The following WWOX variants were observed in gnomAD, a reference collection of about 807,000 sequenced individuals.
WWOX encodes WW domain containing oxidoreductase.
A neutral mutation model predicts 46.2 loss-of-function variants in WWOX; 69 were observed. That is an observed-to-expected ratio of 1.49 (90% CI 1.23 to 1.82). WWOX has a LOEUF of 1.82. Among genes scored for constraint, WWOX ranks in the 40% most tolerant of loss-of-function variants. The pLI, the probability that WWOX is intolerant of heterozygous loss-of-function variation, is 0.00. For missense variants in WWOX, 919 were observed against 542.6 expected (o/e 1.69, Z -6.89); for synonymous variants, 359 against 202.6 (o/e 1.77, Z -6.56).
intron 8 of WWOX, among the ~76,000 whole-genome samples, chr16:79,159,940 C>A (rs71398136): frequency 0.09 from 13,751 of 152,078 alleles, 797 homozygotes; most frequent in African/African-American, 0.14. Flanking sequence ...TCCCAACCCT[C>A]CCCAGGTGAA....
chr16:78,995,724 T>C (rs73567351), intron 8 of WWOX, among the ~76,000 whole-genome samples: 1 of 152,336 alleles, frequency 6.6e-6, no homozygotes, highest in African/African-American at 2.4e-5. Context: ...AGTGACATTC[T>C]AGTCTTCAAT....
At chr16:78,229,491 T>A (rs533862890) in intron 5 of WWOX, among the ~76,000 whole-genome samples, 9 of 128,562 alleles carry the variant, frequency 7.0e-5, no homozygotes, top group Non-Finnish European at 1.4e-4. Flanking sequence ...TATCTGTATA[T>A]ATATTTATCT....
At chr16:78,518,142 C>G (rs1395761658) in intron 8 of WWOX, among the ~76,000 whole-genome samples, 2 of 152,090 alleles carry the variant, frequency 1.3e-5, no homozygotes, top group East Asian at 1.9e-4. Context: ...GAAATATGTA[C>G]CTACAGAGTC....
chr16:78,822,616 C>G (rs765132956), intron 8 of WWOX, among the ~76,000 whole-genome samples: 1 of 152,032 alleles, frequency 6.6e-6, no homozygotes, highest in Non-Finnish European at 1.5e-5. Flanking sequence ...TCACTAGAAC[C>G]CAGTGGTCAC....
intron 5 of WWOX, among the ~76,000 whole-genome samples, chr16:78,184,089 C>G (rs999821948): frequency 7.9e-5 from 12 of 152,164 alleles, no homozygotes; most frequent in Non-Finnish European, 1.6e-4. Flanking sequence ...GCACAGACCT[C>G]GGTGCTCACG....
At chr16:78,645,878 T>C (rs1478809089) in intron 8 of WWOX, among the ~76,000 whole-genome samples, 2 of 152,118 alleles carry the variant, frequency 1.3e-5, no homozygotes, top group Admixed American at 6.5e-5. Flanking sequence ...GTTCTGACTT[T>C]TTCGATTTCT....
At chr16:78,334,866 A>C (rs2080848923) in intron 5 of WWOX, among the ~76,000 whole-genome samples, 1 of 147,684 alleles carries the variant, frequency 6.8e-6, no homozygotes, top group South Asian at 2.1e-4. Flanking sequence ...AAAATCACCA[A>C]ATCACACCTG....
intron 8 of WWOX, among the ~76,000 whole-genome samples, chr16:79,164,585 G>C (rs1265422659): frequency 6.6e-6 from 1 of 152,300 alleles, no homozygotes; most frequent in Middle Eastern, 3.4e-3. Flanking sequence ...AGAGCTCATG[G>C]TGGAGACCTC....
intron 8 of WWOX, among the ~76,000 whole-genome samples, chr16:78,510,662 G>A (rs1369854487): frequency 6.6e-6 from 1 of 152,172 alleles, no homozygotes; most frequent in East Asian, 1.9e-4. Context: ...GGCTCTGTGG[G>A]ATTTACAATA....
intron 8 of WWOX, among the ~76,000 whole-genome samples, chr16:79,159,614 C>A (rs1402333945): frequency 6.6e-6 from 1 of 152,136 alleles, no homozygotes; most frequent in African/African-American, 2.4e-5. Context: ...GCTGATGAGT[C>A]CCCCAGAGAT....
At chr16:78,470,123 T>G (rs576139297) in intron 8 of WWOX, among the ~76,000 whole-genome samples, 1 of 152,206 alleles carries the variant, frequency 6.6e-6, no homozygotes, top group Non-Finnish European at 1.5e-5. Flanking sequence ...CAAGCTCTTT[T>G]CATCTTGTGG....
intron 8 of WWOX, among the ~76,000 whole-genome samples, chr16:78,706,853 A>G (rs2048338159): frequency 6.6e-6 from 1 of 152,004 alleles, no homozygotes; most frequent in African/African-American, 2.4e-5. Flanking sequence ...CTGGAGTGTA[A>G]TTGACGCAAT....
intron 8 of WWOX, among the ~76,000 whole-genome samples, chr16:78,801,949 T>A (rs1173773353): frequency 6.6e-6 from 1 of 152,130 alleles, no homozygotes; most frequent in African/African-American, 2.4e-5. Flanking sequence ...TTCAGCAAAA[T>A]GGGGTAAGAA....
chr16:78,249,466 A>G (rs1257705682), intron 5 of WWOX, among the ~76,000 whole-genome samples: 1 of 152,170 alleles, frequency 6.6e-6, no homozygotes, highest in Non-Finnish European at 1.5e-5. Context: ...CTTTATTTTA[A>G]ATGTAAATCT....
At chr16:78,996,186 T>C (rs537478882) in intron 8 of WWOX, 28 of 981,526 alleles carry the variant, frequency 2.9e-5, no homozygotes, top group Non-Finnish European at 3.3e-5. Context: ...CTTCTTTAAA[T>C]AAAATCTCCA....
At chr16:79,099,247 C>G (rs1279347013) in intron 8 of WWOX, among the ~76,000 whole-genome samples, 1 of 152,332 alleles carries the variant, frequency 6.6e-6, no homozygotes, top group Non-Finnish European at 1.5e-5. Context: ...CTCCTGACAT[C>G]TTCACACAAG....
chr16:78,676,196 A>G (rs925188990), intron 8 of WWOX, among the ~76,000 whole-genome samples: 1 of 151,708 alleles, frequency 6.6e-6, no homozygotes, highest in African/African-American at 2.4e-5. Context: ...GTCTTGTTCT[A>G]TTTGGATATA....
chr16:78,680,078 C>G (rs1412776031), intron 8 of WWOX, among the ~76,000 whole-genome samples: 5 of 152,224 alleles, frequency 3.3e-5, no homozygotes, highest in Non-Finnish European at 5.9e-5. Flanking sequence ...ATAACATTAG[C>G]TTCAGCCCTC....
At chr16:79,010,582 T>C (rs1399854259) in intron 8 of WWOX, among the ~76,000 whole-genome samples, 1 of 151,842 alleles carries the variant, frequency 6.6e-6, no homozygotes, top group Non-Finnish European at 1.5e-5. Flanking sequence ...AATAAATATA[T>C]GATAAATAAC....
Sources: gnomAD v4.1 joint callset for allele counts (sites outside exome capture counted in the v4.1 genomes callset) on GRCh38, gnomAD v4.1.1 for gene constraint, MANE v1.5 for transcripts, NCBI Gene and HGNC (gene_info 2026-07-23, HGNC 2026-07-21) for gene names.